The following PCDH11X variants were observed in gnomAD, a reference collection of about 807,000 sequenced individuals.
PCDH11X encodes protocadherin 11 X-linked.
In PCDH11X, 18 loss-of-function variants were observed where a neutral mutation model predicts 53.3. That is an observed-to-expected ratio of 0.34 (90% confidence interval 0.23 to 0.50). The LOEUF (loss-of-function observed/expected upper bound fraction) is 0.50. Ranked by LOEUF, PCDH11X falls within the 20% of genes least tolerant of loss-of-function variation. The pLI is 0.98. For missense variants in PCDH11X, 570 were observed against 1,032.4 expected, an observed-to-expected ratio of 0.55 and a Z score of 6.14; for synonymous variants, 279 against 393.3, an observed-to-expected ratio of 0.71 and a Z score of 3.44.
chrX:91,980,947 T>G (rs2062120090), intron 6 of PCDH11X, among the ~76,000 whole-genome samples: 1 of 96,452 alleles, frequency 1.0e-5, no homozygotes. Flanking sequence ...TGTATATATT[T>G]TATATATGTA....
chrX:92,114,417 A>G, intron 6 of PCDH11X: 2 of 926,232 alleles, frequency 2.2e-6, no homozygotes, highest in African/African-American at 1.9e-5. Flanking sequence ...GCTCCATCCC[A>G]TCGGGGCCAT....
chrX:92,308,165 A>G (rs942991904), intron 8 of PCDH11X, among the ~76,000 whole-genome samples: 45 of 108,342 alleles, frequency 4.2e-4, no homozygotes, highest in African/African-American at 1.5e-3. Flanking sequence ...TAAGAATGAT[A>G]TGGAATCTCA....
intron 6 of PCDH11X, among the ~76,000 whole-genome samples, chrX:92,089,332 TG>T (rs1435584265): frequency 4.5e-5 from 5 of 111,347 alleles, no homozygotes; most frequent in Non-Finnish European, 7.5e-5. Context: ...TCTGTGTAGA[TG>T]TTAAATCATT....
intron 6 of PCDH11X, among the ~76,000 whole-genome samples, chrX:92,086,110 A>G (rs1212113741): frequency 9.0e-6 from 1 of 111,629 alleles, no homozygotes; most frequent in Non-Finnish European, 1.9e-5. Flanking sequence ...GCTACCAGAA[A>G]TTACTTATGT....
chrX:91,878,388 A>G lies in PCDH11X; in HGVS notation c.2148A>G (p.Val716=). The part of the protein sequence containing the change: ...GMNAEVRYSI[V]GGNTRDLFAI... ...ATGCAGAGGTTCGTTACAGCATTGT[A>G]GGAGGAAACACAAGAGATCTGTTTG... Residue 716 remains valine, a synonymous_variant, in exon 6 of 11, where the codon GTA becomes GTG. Coordinates refer to ENST00000682573, the MANE Select transcript of PCDH11X (RefSeq NM_032968.5). 2.5e-6 allele frequency: 3 copies of G among 1,204,695 alleles called. No individual in the cohort carries two copies. Among genetic ancestry groups the G allele is most frequent in the Non-Finnish European group, 3.4e-6 (3 of 891,697 alleles).
intron 6 of PCDH11X, among the ~76,000 whole-genome samples, chrX:92,126,660 C>A (rs1235431601): frequency 6.5e-5 from 7 of 108,260 alleles, no homozygotes; most frequent in Non-Finnish European, 1.3e-4. Context: ...TTAAAAAAAT[C>A]TCTTTTTTGA....
chrX:92,365,178 A>G (rs1262605966), intron 8 of PCDH11X, among the ~76,000 whole-genome samples: 1 of 85,231 alleles, frequency 1.2e-5, no homozygotes, highest in East Asian at 3.0e-4. Context: ...CTTTTGAAAT[A>G]CCTCCTGAAA....
intron 8 of PCDH11X, among the ~76,000 whole-genome samples, chrX:92,386,660 T>A (rs964476493): frequency 6.4e-5 from 7 of 109,340 alleles, no homozygotes; most frequent in Non-Finnish European, 9.5e-5. Flanking sequence ...GGATTCTTCA[T>A]GTACATATCC....
chrX:92,165,307 T>G (rs2065714900), intron 6 of PCDH11X, among the ~76,000 whole-genome samples: 1 of 111,963 alleles, frequency 8.9e-6, no homozygotes, highest in Non-Finnish European at 1.9e-5. Flanking sequence ...CTTGTATATT[T>G]TGAAAAGTGA....
At chrX:91,985,522 A>C (rs1308817937) in intron 6 of PCDH11X, among the ~76,000 whole-genome samples, 4 of 112,316 alleles carry the variant, frequency 3.6e-5, no homozygotes, top group Admixed American at 2.8e-4. Context: ...GTAAATAAAT[A>C]AAAATAAAAA....
Position 92,588,358 on chromosome X carries a change from T to TTGTG in PCDH11X, c.3368-29894_3368-29891dup, listed in dbSNP as rs1196039315. ...TAGTGGTTGGTGGATTTTCATATAC[T>TTGTG]TGTGTGTGTGTGTGTATATATATAT... On this transcript the variant is annotated intron_variant, in intron 10 of 10. Transcript: ENST00000682573. Among the ~76,000 whole-genome samples, 6 of 77,782 alleles carry TTGTG rather than the reference T, an allele frequency of 7.7e-5. No individual in the cohort carries two copies. The South Asian group carries it at 2.5e-3, about 33-fold the overall frequency. 67.5% of individuals were successfully genotyped at this position (77,782 alleles called of 115,157 possible).
chrX:92,358,821 A>G (rs889414104), intron 8 of PCDH11X, among the ~76,000 whole-genome samples: 1 of 109,575 alleles, frequency 9.1e-6, no homozygotes, highest in African/African-American at 3.3e-5. Flanking sequence ...AGGTTCTCAT[A>G]TTTATCTATT....
chrX:92,460,469 A>G lies in PCDH11X; in HGVS notation c.3344-7830A>G, dbSNP rs768285040. 2.7e-5 allele frequency: 20 copies of G among 739,123 alleles called. No homozygotes were observed. The East Asian group carries it at 6.3e-4, about 23-fold the overall frequency. 60.9% of individuals were successfully genotyped at this position (739,123 alleles called of 1,213,427 possible). On this transcript the variant is annotated intron_variant, in intron 9 of 10. Coordinates refer to ENST00000682573, the MANE Select transcript of PCDH11X (RefSeq NM_032968.5). ...AAGAACCGAGAGGAGCTAGACAAAT[A>G]CTGGCCTCAGCAGTTTGAGGAGAAC...
intron 6 of PCDH11X, among the ~76,000 whole-genome samples, chrX:92,132,933 A>C (rs1306147065): frequency 1.8e-5 from 2 of 109,979 alleles, no homozygotes; most frequent in Admixed American, 1.0e-4. Flanking sequence ...GACATTTCTT[A>C]ATATTTAAAA....
In PCDH11X at chrX:91,878,676, G is replaced by T. The variant is rs1344828172; in HGVS notation, c.2436G>T (p.Lys812Asn). ...CCTCACCAACTAGTGACTATGTCAA[G>T]ATCCTGGTTGCAGCTGTTGCTGGCA... Reference protein sequence around the residue: ...DVSSPTSDYVKILVAAVAGTI... With the variant: ...DVSSPTSDYVNILVAAVAGTI... The change falls in exon 6 of 11, where the codon AAG becomes AAT. Residue 812 changes from lysine (K) to asparagine (N), a missense_variant. Physicochemically the swap from Lys to Asn is moderately conservative, Grantham distance 94. Coordinates refer to ENST00000682573, the MANE Select transcript of PCDH11X (RefSeq NM_032968.5). 8.3e-7 allele frequency: 1 copy of T among 1,208,049 alleles called. No individual in the cohort carries two copies. The highest frequency in any genetic ancestry group is 1.8e-5 in the African/African-American group (1 of 56,631).
chrX:92,170,884 C>T (rs1443264944), intron 6 of PCDH11X, among the ~76,000 whole-genome samples: 1 of 87,672 alleles, frequency 1.1e-5, no homozygotes, highest in East Asian at 3.8e-4. Flanking sequence ...CTCTCCCTCC[C>T]GAGTTCAAGC....
intron 6 of PCDH11X, among the ~76,000 whole-genome samples, chrX:91,929,679 C>T (rs914719294): frequency 3.6e-5 from 4 of 111,099 alleles, no homozygotes; most frequent in Admixed American, 9.6e-5. Context: ...AAATTAACTT[C>T]GTGGCAGATA....
At chrX:92,152,325 TAGTC>T (rs916515173) in intron 6 of PCDH11X, among the ~76,000 whole-genome samples, 1 of 103,434 alleles carries the variant, frequency 9.7e-6, no homozygotes, top group Non-Finnish European at 2.0e-5. Context: ...TTTTTAGTAT[TAGTC>T]AGATAGTCCA....
rs138111592 is a variant in PCDH11X, at chrX:91,879,273, G to A, written c.3033G>A (p.Pro1011=). The A allele has an allele frequency of 1.5e-4, 181 of 1,209,187 alleles. No individual in the cohort carries two copies. In the African/African-American group the frequency reaches 2.4e-3, roughly 16 times the overall value. The change falls in exon 6 of 11, where the codon CCG becomes CCA. Residue 1011 remains proline (P), a splice_region_variant and synonymous_variant. Transcript: ENST00000682573. ...FEVPVSVHTR[P]PMKEVVRSCT... The stretch of plus-strand genomic sequence containing the variant: ...TACCTGTGTCCGTACACACCAGACC[G>A]GTAGGTATCCAAGTTTCTAACACAA...
Sources: gnomAD v4.1 joint callset for allele counts (sites outside exome capture counted in the v4.1 genomes callset) on GRCh38, gnomAD v4.1.1 for gene constraint, MANE v1.5 for transcripts, NCBI Gene and HGNC (gene_info 2026-07-23, HGNC 2026-07-21) for gene names.